HIVEP2: variants seen among roughly 807,000 people sequenced by gnomAD.
The protein encoded by HIVEP2 is HIVEP zinc finger 2, also known as transcription factor HIVEP2.
In HIVEP2, 14 loss-of-function variants were observed where a neutral mutation model predicts 180.7. That is an observed-to-expected ratio of 0.08 (90% confidence interval 0.05 to 0.12). HIVEP2 has a LOEUF of 0.12. Ranked by LOEUF, HIVEP2 falls within the 10% of genes least tolerant of loss-of-function variation. The pLI is 1.00. For synonymous variants in HIVEP2, 1,184 were observed against 1,136.4 expected (o/e 1.04, Z -0.84); for missense variants, 2,579 against 3,008.5 (o/e 0.86, Z 3.34).
At chr6:142,922,963 A>G (rs1777718584) in intron 1 of HIVEP2, among the ~76,000 whole-genome samples, 1 of 152,214 alleles carries the variant, frequency 6.6e-6, no homozygotes, top group Non-Finnish European at 1.5e-5. Flanking sequence ...AATCCTGCCC[A>G]ACATCTAACA....
intron 6 of HIVEP2, among the ~76,000 whole-genome samples, chr6:142,767,066 C>T (rs1775396882): frequency 6.6e-6 from 1 of 152,156 alleles, no homozygotes; most frequent in Non-Finnish European, 1.5e-5. Flanking sequence ...ATCACCAAAA[C>T]ACAGCAATAA....
intron 1 of HIVEP2, among the ~76,000 whole-genome samples, chr6:142,838,649 TTTTC>T (rs1345231627): frequency 6.6e-6 from 1 of 152,144 alleles, no homozygotes; most frequent in Non-Finnish European, 1.5e-5. Flanking sequence ...CTAGCATAAC[TTTTC>T]TTTCTGTTAG....
At chr6:142,931,706 G>A (rs1777946560) in intron 1 of HIVEP2, among the ~76,000 whole-genome samples, 1 of 152,054 alleles carries the variant, frequency 6.6e-6, no homozygotes, top group South Asian at 2.1e-4. Flanking sequence ...TGAATTTTCT[G>A]CATAGAAATT....
At chr6:142,876,399 G>A (rs1327469867) in intron 1 of HIVEP2, among the ~76,000 whole-genome samples, 2 of 152,060 alleles carry the variant, frequency 1.3e-5, no homozygotes, top group African/African-American at 4.8e-5. Flanking sequence ...GAAGAACTTT[G>A]AGCAGGAAAG....
At chr6:142,815,325 A>G (rs969090484) in intron 2 of HIVEP2, among the ~76,000 whole-genome samples, 1 of 152,186 alleles carries the variant, frequency 6.6e-6, no homozygotes, top group Non-Finnish European at 1.5e-5. Flanking sequence ...GAGACTGAGG[A>G]GTAATCGGGC....
chr6:142,795,749 G>T (rs1416656707), intron 2 of HIVEP2, among the ~76,000 whole-genome samples: 1 of 152,088 alleles, frequency 6.6e-6, no homozygotes, highest in Non-Finnish European at 1.5e-5. Flanking sequence ...CCTTGTAATG[G>T]AAGAAGAGCA....
chr6:142,751,581 CA>C lies in HIVEP2; in HGVS notation c.*1525del, dbSNP rs1781029616. The stretch of plus-strand genomic sequence containing the variant: ...TCCACTATATAGCACAAAGATAACC[CA>C]GATTGTATGTGTGCGTGCACACATG... On this transcript the variant is annotated 3_prime_UTR_variant, in exon 10 of 10. Coordinates refer to ENST00000367603, the MANE Select transcript of HIVEP2 (RefSeq NM_006734.4). 1 of 152,646 alleles carries C rather than the reference CA, an allele frequency of 6.6e-6. No individual in the cohort carries two copies. The highest frequency in any genetic ancestry group is 2.4e-5 in the African/African-American group (1 of 41,446). The allele number at this position is 152,646 out of a possible 1,614,324, so 9.5% of individuals were successfully genotyped here. A position where few individuals can be genotyped will look rare whatever the true frequency, so the allele number is the denominator to read the frequency against.
At chr6:142,874,707 A>G (rs1390469541) in intron 1 of HIVEP2, among the ~76,000 whole-genome samples, 1 of 152,192 alleles carries the variant, frequency 6.6e-6, no homozygotes. Flanking sequence ...AAGGACACTC[A>G]GGAGGGAAGA....
intron 1 of HIVEP2, among the ~76,000 whole-genome samples, chr6:142,843,460 C>G (rs1360244441): frequency 6.6e-6 from 1 of 152,158 alleles, no homozygotes; most frequent in South Asian, 2.1e-4. Context: ...CTAGAGTGGT[C>G]GCAAATGGCT....
intron 1 of HIVEP2, among the ~76,000 whole-genome samples, chr6:142,872,151 G>A (rs2128412070): frequency 6.6e-6 from 1 of 152,278 alleles, no homozygotes; most frequent in African/African-American, 2.4e-5. Context: ...TGTGAAACCA[G>A]GAATAACCTT....
chr6:142,899,997 T>A (rs973597298), intron 1 of HIVEP2, among the ~76,000 whole-genome samples: 2 of 152,130 alleles, frequency 1.3e-5, no homozygotes, highest in Non-Finnish European at 2.9e-5. Context: ...TCTATTAAGG[T>A]CTAAACCTTA....
At chr6:142,860,260 A>C (rs1386569844) in intron 1 of HIVEP2, among the ~76,000 whole-genome samples, 1 of 152,180 alleles carries the variant, frequency 6.6e-6, no homozygotes, top group Non-Finnish European at 1.5e-5. Flanking sequence ...ATGAAAGGAA[A>C]ATATATGTAT....
chr6:142,796,061 C>T (rs1423684515), intron 2 of HIVEP2, among the ~76,000 whole-genome samples: 4 of 75,316 alleles, frequency 5.3e-5, no homozygotes, highest in Admixed American at 3.3e-4. Context: ...TTTTAAATTG[C>T]CAAGTAGTAG....
chr6:142,934,394 A>C (rs1382645691), intron 1 of HIVEP2, among the ~76,000 whole-genome samples: 1 of 152,250 alleles, frequency 6.6e-6, no homozygotes. Context: ...TAGTGGGGTC[A>C]GAGTTTCAAG....
chr6:142,842,183 T>A (rs1478818519), intron 1 of HIVEP2, among the ~76,000 whole-genome samples: 1 of 152,150 alleles, frequency 6.6e-6, no homozygotes, highest in African/African-American at 2.4e-5. Flanking sequence ...CACCCACCAT[T>A]GTCTCTTATT....
intron 1 of HIVEP2, among the ~76,000 whole-genome samples, chr6:142,864,890 C>G (rs953703636): frequency 1.3e-5 from 2 of 152,174 alleles, no homozygotes; most frequent in African/African-American, 4.8e-5. Context: ...GCAAAGACCT[C>G]CCAAGGGGCT....
chr6:142,821,605 G>A (rs889328862), intron 2 of HIVEP2, among the ~76,000 whole-genome samples: 1 of 152,210 alleles, frequency 6.6e-6, no homozygotes, highest in African/African-American at 2.4e-5. Flanking sequence ...CTAAATGCTA[G>A]CTGTTAACTG....
At chr6:142,906,845 C>G (rs1413926716) in intron 1 of HIVEP2, among the ~76,000 whole-genome samples, 1 of 152,094 alleles carries the variant, frequency 6.6e-6, no homozygotes, top group Non-Finnish European at 1.5e-5. Flanking sequence ...TTCTAAAAAT[C>G]AAGTTGATAC....
At chr6:142,757,013 C>T (rs987456202) in intron 9 of HIVEP2, among the ~76,000 whole-genome samples, 6 of 152,156 alleles carry the variant, frequency 3.9e-5, no homozygotes, top group Non-Finnish European at 7.3e-5. Flanking sequence ...TACATTTGTA[C>T]ATATGTGTAT....
Sources: gnomAD v4.1 joint callset for allele counts (sites outside exome capture counted in the v4.1 genomes callset) on GRCh38, gnomAD v4.1.1 for gene constraint, MANE v1.5 for transcripts, NCBI Gene and HGNC (gene_info 2026-07-23, HGNC 2026-07-21) for gene names.